Variants in MYH9 observed in about 807,000 individuals in gnomAD.
MYH9 encodes myosin-9.
In MYH9, 29 loss-of-function variants were observed where a neutral mutation model predicts 241.9. That is an observed-to-expected ratio of 0.12 (90% CI 0.09 to 0.16). MYH9 has a LOEUF of 0.16. Among genes scored for constraint, MYH9 ranks in the 10% least tolerant of loss-of-function variants. The pLI is 1.00. For synonymous variants in MYH9, 1,047 were observed against 1,062.6 expected, an observed-to-expected ratio of 0.99 and a Z score of 0.29; for missense variants, 1,803 against 2,595.5, an observed-to-expected ratio of 0.69 and a Z score of 6.63.
At position 36,332,661 on chromosome 22, in the gene MYH9, TAAAAAAAA is replaced by T. The variant is rs67602880; in HGVS notation, c.491-5181_491-5174del. Among the ~76,000 whole-genome samples, 209 of 44,504 alleles carry T rather than the reference TAAAAAAAA, an allele frequency of 4.7e-3. 1 individual carries two copies. Among genetic ancestry groups the T allele is most frequent in the African/African-American group, 0.018 (182 of 10,072 alleles). The allele number at this position is 44,504 out of a possible 152,430, so 29.2% of individuals were successfully genotyped here. On this transcript the variant is annotated intron_variant, in intron 3 of 40. Coordinates refer to ENST00000216181, the MANE Select transcript of MYH9 (RefSeq NM_002473.6). ...TCCCCCTCCAGACACTCTGGATAAT[TAAAAAAAA>T]AAAAAAAAAAAAAAAAAAAAACCTC...
chr22:36,299,229 G>A (rs566639421), intron 23 of MYH9, among the ~76,000 whole-genome samples, 187 bp from the exon 24 acceptor site: 7 of 152,130 alleles, frequency 4.6e-5, no homozygotes, highest in East Asian at 1.9e-4. Flanking sequence ...CTGAAACAGC[G>A]AGGTACGCTT....
intron 1 of MYH9, among the ~76,000 whole-genome samples, chr22:36,360,630 G>A (rs936621061): frequency 5.9e-5 from 9 of 151,348 alleles, no homozygotes; most frequent in Non-Finnish European, 1.2e-4. Context: ...GGAGAATGGC[G>A]TGAACCTGGG....
chr22:36,341,785 G>C (rs2017594472), intron 2 of MYH9, among the ~76,000 whole-genome samples: 1 of 152,220 alleles, frequency 6.6e-6, no homozygotes, highest in Non-Finnish European at 1.5e-5. Context: ...ATAGGTCAGT[G>C]AGTGTGCGTA....
chr22:36,286,861 G>A lies in MYH9; in HGVS notation c.4933-15C>T. ...TTCATCTGGGCCTGGGGTGGGGACA[G>A]AGGCTTGGCACCCCACCCAGCTCCT... On this transcript the variant is annotated splice_polypyrimidine_tract_variant and intron_variant, in intron 34 of 40. Coordinates refer to ENST00000216181, the MANE Select transcript of MYH9 (RefSeq NM_002473.6). The A allele has an allele frequency of 6.2e-7, 1 of 1,604,158 alleles. No individual in the cohort carries two copies. The highest frequency in any genetic ancestry group is 1.7e-4 in the Middle Eastern group (1 of 6,050).
chr22:36,285,276 G>A lies in MYH9; in HGVS notation c.5328C>T (p.Asn1776=), dbSNP rs764719958. ...LNLERSHAQK[N]ENARQQLERQ... is the part of the protein sequence containing the mutation. ...GTTCCAGCTGCTGCCGAGCATTCTC[G>A]TTCTTCTGGGCGTGGCTGCGCTCCA... Residue 1776 remains asparagine, a synonymous_variant, in exon 38 of 41, where the codon AAC becomes AAT. Coordinates refer to ENST00000216181, the MANE Select transcript of MYH9 (RefSeq NM_002473.6). The surrounding 1 kb of genome is among the most constrained non-coding windows in gnomAD (Gnocchi z 7.0). 9.9e-6 allele frequency: 16 copies of A among 1,613,828 alleles called. No homozygotes were observed. The highest frequency in any genetic ancestry group is 4.4e-5 in the South Asian group (4 of 91,086).
rs1302814429 is a variant in MYH9, at chr22:36,285,173, C to T, written c.5431G>A (p.Ala1811Thr). 26 of 1,613,982 alleles carry T rather than the reference C, an allele frequency of 1.6e-5. No homozygotes were observed. Among genetic ancestry groups the T allele is most frequent in the East Asian group, 1.3e-4 (6 of 44,890 alleles). The change falls in exon 38 of 41, where the codon GCC becomes ACC. Residue 1811 changes from alanine to threonine, a missense_variant. By Grantham distance (58) the Ala-to-Thr change is moderately conservative (BLOSUM62 0). Around this residue, in one of 11 missense-constraint regions of MYH9, gnomAD observed 876 missense variants for 1,077.8 expected, o/e 0.81. Coordinates refer to ENST00000216181, the MANE Select transcript of MYH9 (RefSeq NM_002473.6). This position sits in a 1 kb window ranked among gnomAD's most constrained non-coding sequence, Gnocchi z 7.0. ...AGCTGTGCAATCTTGGCCTCGAGGG[C>T]GGTGATGGAGGCCTTGTACTTGGAC... ...VKSKYKASIT[A>T]LEAKIAQLEE...
At chr22:36,310,396 G>A (rs1381643525) in intron 14 of MYH9, among the ~76,000 whole-genome samples, 1 of 152,176 alleles carries the variant, frequency 6.6e-6, no homozygotes, top group African/African-American at 2.4e-5. Context: ...ATGAGCCCCT[G>A]TGCTCTGCTA....
intron 1 of MYH9, among the ~76,000 whole-genome samples, chr22:36,374,451 C>T (rs946755561): frequency 2.0e-5 from 3 of 152,274 alleles, no homozygotes; most frequent in South Asian, 2.1e-4. Context: ...ACCTGGGAGG[C>T]GGAGGTTGCA....
chr22:36,294,053 G>C (rs749287112), intron 28 of MYH9, 39 bp downstream of exon 28: 1 of 1,600,966 alleles, frequency 6.2e-7, no homozygotes, highest in Non-Finnish European at 8.5e-7. Context: ...CTGCTGCTAG[G>C]GCCCACTGCC....
At position 36,320,320 on chromosome 22, in the gene MYH9, G is replaced by A; in HGVS notation, c.912C>T (p.Ser304=). Residue 304 remains serine, a synonymous_variant, in exon 9 of 41, where the codon TCC becomes TCT. Coordinates refer to ENST00000216181, the MANE Select transcript of MYH9 (RefSeq NM_002473.6). This position sits in a 1 kb window ranked among gnomAD's most constrained non-coding sequence, Gnocchi z 4.8. ...GCCCGGGGATGGTGACGTGTCCATTGGACAGGAAGCGGTATTTGTTGTACG... is the reference window on the plus strand; with the variant it reads ...GCCCGGGGATGGTGACGTGTCCATTAGACAGGAAGCGGTATTTGTTGTACG... ...LEPYNKYRFL[S]NGHVTIPGQQ... 1.2e-6 allele frequency: 2 copies of A among 1,614,184 alleles called. No homozygotes were observed. Among genetic ancestry groups the A allele is most frequent in the Non-Finnish European group, 1.7e-6 (2 of 1,180,036 alleles).
chr22:36,345,705 A>G (rs1355139491), intron 2 of MYH9, among the ~76,000 whole-genome samples: 1 of 152,190 alleles, frequency 6.6e-6, no homozygotes, highest in Non-Finnish European at 1.5e-5. Flanking sequence ...GGTCCACATG[A>G]TAATCTTATC....
chr22:36,287,720 C>G (rs1303693506), intron 34 of MYH9, among the ~76,000 whole-genome samples: 1 of 152,146 alleles, frequency 6.6e-6, no homozygotes, highest in Admixed American at 6.5e-5. Context: ...CCAGCCTGAG[C>G]GACAGAGCGA....
rs2016544101 is a variant in MYH9, at chr22:36,284,390, C to G, written c.5592+13G>C. ...CCCCGCTGCCCTTCTCACTGCCCCA[C>G]CAGCGCCCACACCTGGTCCTTGTAC... is the stretch of plus-strand genomic sequence containing the variant. On this transcript the variant is annotated intron_variant, in intron 39 of 40. Transcript: ENST00000216181. The G allele has an allele frequency of 6.2e-7, 1 of 1,611,252 alleles. No individual in the cohort carries two copies. Among genetic ancestry groups the G allele is most frequent in the Admixed American group, 1.7e-5 (1 of 60,014 alleles).
At chr22:36,361,931 G>T (rs753990096) in intron 1 of MYH9, among the ~76,000 whole-genome samples, 1 of 152,146 alleles carries the variant, frequency 6.6e-6, no homozygotes, top group African/African-American at 2.4e-5. Flanking sequence ...TTAGCCAGGC[G>T]TGATGGTGTG....
chr22:36,322,406 C>T (rs147728095), intron 6 of MYH9, 23 bp downstream of exon 6: 130 of 1,612,610 alleles, frequency 8.1e-5, no homozygotes, highest in Non-Finnish European at 1.0e-4. Flanking sequence ...TCCCCAGAGC[C>T]GGGGCGCCGC....
intron 11 of MYH9, among the ~76,000 whole-genome samples, chr22:36,317,573 T>C (rs1210517017): frequency 3.9e-5 from 6 of 152,204 alleles, no homozygotes; most frequent in African/African-American, 1.4e-4. Flanking sequence ...GGAGAAAGAC[T>C]AACAAAATGA....
intron 1 of MYH9, among the ~76,000 whole-genome samples, chr22:36,368,981 G>A (rs1478855026): frequency 6.6e-6 from 1 of 152,050 alleles, no homozygotes; most frequent in African/African-American, 2.4e-5. Flanking sequence ...GTATTAAAAG[G>A]GAAGAGACCC....
rs375002619 is a variant in MYH9, at chr22:36,323,247, A to G, written c.613-726T>C. Among the ~76,000 whole-genome samples, 16 of 152,366 alleles carry G rather than the reference A, an allele frequency of 1.1e-4. 1 individual carries two copies. In the East Asian group the frequency reaches 1.7e-3, roughly 17 times the overall value. ...GGACAGAGCAGCCCCATTTCACAGAAGAGGAAGCTGAGGCCAAGGGAGGGG... is the reference window on the plus strand; with the variant it reads ...GGACAGAGCAGCCCCATTTCACAGAGGAGGAAGCTGAGGCCAAGGGAGGGG... On this transcript the variant is annotated intron_variant, in intron 5 of 40. Coordinates refer to ENST00000216181, the MANE Select transcript of MYH9 (RefSeq NM_002473.6).
chr22:36,350,992 A>G (rs1218949409), intron 1 of MYH9, among the ~76,000 whole-genome samples: 1 of 152,200 alleles, frequency 6.6e-6, no homozygotes, highest in East Asian at 1.9e-4. Context: ...CAAACACGGA[A>G]CACCATGGGC....
Sources: gnomAD v4.1 joint callset for allele counts (sites outside exome capture counted in the v4.1 genomes callset) on GRCh38, gnomAD v4.1.1 for gene constraint, gnomAD v4.1.1 regional missense constraint, Gnocchi (gnomAD v3.1) non-coding constraint, MANE v1.5 for transcripts, NCBI Gene and HGNC (gene_info 2026-07-23, HGNC 2026-07-21) for gene names.